RBFOX3: variants seen among roughly 807,000 people sequenced by gnomAD.
The protein encoded by RBFOX3 is RNA binding fox-1 homolog 3.
RBFOX3 carries 17 observed loss-of-function variants against 48.7 expected under a neutral mutation model. The observed-to-expected ratio is 0.35, with a 90% CI of 0.24 to 0.52. RBFOX3 has a LOEUF of 0.52. Among genes scored for constraint, RBFOX3 ranks in the 20% least tolerant of loss-of-function variants. The pLI is 0.94. For missense variants in RBFOX3, 382 were observed against 497.5 expected (o/e 0.77, Z 2.21); for synonymous variants, 212 against 209.5 (o/e 1.01, Z -0.10).
chr17:79,110,594 G>A (rs1263379045), intron 5 of RBFOX3, among the ~76,000 whole-genome samples: 1 of 152,208 alleles, frequency 6.6e-6, no homozygotes, highest in African/African-American at 2.4e-5. Context: ...AGGCACTCAG[G>A]CAAGGACCTG....
intron 1 of RBFOX3, among the ~76,000 whole-genome samples, chr17:79,564,000 A>G (rs878978057): frequency 0.51 from 77,926 of 152,110 alleles, 21,516 homozygotes; most frequent in South Asian, 0.67. Context: ...CAGGCTGAGT[A>G]CCCTGCACAT....
At chr17:79,521,515 CACATACGGAT>C (rs1368063731) in intron 1 of RBFOX3, among the ~76,000 whole-genome samples, 75 of 152,166 alleles carry the variant, frequency 4.9e-4, no homozygotes, top group African/African-American at 1.6e-3. Context: ...TACTCACAGA[CACATACGGAT>C]ACATTGACAG....
chr17:79,169,090 A>T (rs1399094490), intron 4 of RBFOX3, among the ~76,000 whole-genome samples: 1 of 152,168 alleles, frequency 6.6e-6, no homozygotes, highest in African/African-American at 2.4e-5. Flanking sequence ...CTCAGGAAAG[A>T]GCCCAGCTGC....
At chr17:79,244,387 G>T (rs985454663) in intron 3 of RBFOX3, among the ~76,000 whole-genome samples, 1 of 152,130 alleles carries the variant, frequency 6.6e-6, no homozygotes, top group African/African-American at 2.4e-5. Context: ...AGACCTCAAG[G>T]CTCCATCTCC....
chr17:79,343,138 T>G (rs1230693609), intron 2 of RBFOX3, among the ~76,000 whole-genome samples: 2 of 152,208 alleles, frequency 1.3e-5, no homozygotes, highest in South Asian at 4.1e-4. Context: ...GACTTGTCCT[T>G]TAGATGGCTT....
intron 2 of RBFOX3, among the ~76,000 whole-genome samples, chr17:79,333,637 C>T (rs1395901225): frequency 1.3e-5 from 2 of 152,180 alleles, no homozygotes; most frequent in African/African-American, 4.8e-5. Flanking sequence ...AGAGGAAAGT[C>T]CTGGGGGAAG....
At chr17:79,484,671 G>T (rs1333570274) in intron 1 of RBFOX3, among the ~76,000 whole-genome samples, 3 of 152,126 alleles carry the variant, frequency 2.0e-5, no homozygotes, top group Non-Finnish European at 2.9e-5. Context: ...TCCAGGAAGG[G>T]GCTGGCCTGG....
intron 1 of RBFOX3, among the ~76,000 whole-genome samples, chr17:79,566,504 C>T (rs900806513): frequency 3.3e-5 from 5 of 152,126 alleles, no homozygotes; most frequent in South Asian, 2.1e-4. Context: ...GGCCAGGGGA[C>T]GGGGGAAGAG....
intron 1 of RBFOX3, among the ~76,000 whole-genome samples, chr17:79,578,398 G>A (rs1377437372): frequency 1.3e-5 from 2 of 152,380 alleles, no homozygotes; most frequent in Admixed American, 6.5e-5. Flanking sequence ...GGTACCCCTT[G>A]GGGCAGGCTC....
In RBFOX3 at chr17:79,272,595, G is replaced by C. The variant is rs541623340; in HGVS notation, c.-74+35129C>G. On this transcript the variant is annotated intron_variant, in intron 3 of 14. Transcript: ENST00000693108. Reference sequence around the variant, plus strand: ...GGTGGCCCCTTCGTTTCCTGAGGAGGGGGTAGGGGGTCTCTCCTGTCCTCC... The same window carrying C: ...GGTGGCCCCTTCGTTTCCTGAGGAGCGGGTAGGGGGTCTCTCCTGTCCTCC... Among the ~76,000 whole-genome samples, 9 of 152,288 alleles carry C rather than the reference G, an allele frequency of 5.9e-5. No individual in the cohort carries two copies. The East Asian group carries it at 1.2e-3, about 20-fold the overall frequency.
At chr17:79,428,282 T>A (rs185799387) in intron 2 of RBFOX3, among the ~76,000 whole-genome samples, 61 of 151,792 alleles carry the variant, frequency 4.0e-4, no homozygotes, top group Admixed American at 2.8e-3. Context: ...TGAGGGGAGG[T>A]GAGGGAGGGC....
the RBFOX3 span, among the ~76,000 whole-genome samples, chr17:79,630,256 T>C: frequency 0.042 from 6,385 of 152,086 alleles, 345 homozygotes; most frequent in Admixed American, 0.12. Flanking sequence ...GACTCCAGAG[T>C]GAGCGCCTTA....
intron 4 of RBFOX3, among the ~76,000 whole-genome samples, chr17:79,209,805 A>G (rs1410448961): frequency 6.6e-6 from 1 of 151,988 alleles, no homozygotes; most frequent in African/African-American, 2.4e-5. Flanking sequence ...CATCCTGGCT[A>G]ACATGGTGAA....
At chr17:79,616,781 A>C in the RBFOX3 span, among the ~76,000 whole-genome samples, 1 of 152,138 alleles carries the variant, frequency 6.6e-6, no homozygotes, top group Non-Finnish European at 1.5e-5. Context: ...AAAACGCCCC[A>C]CTACTGTTTC....
At chr17:79,301,706 C>T (rs2075340383) in intron 3 of RBFOX3, among the ~76,000 whole-genome samples, 1 of 152,312 alleles carries the variant, frequency 6.6e-6, no homozygotes, top group Admixed American at 6.5e-5. Flanking sequence ...GCCCAGGTGT[C>T]CATCAAGGGA....
At chr17:79,426,219 C>T (rs782131097) in intron 2 of RBFOX3, among the ~76,000 whole-genome samples, 16 of 152,128 alleles carry the variant, frequency 1.1e-4, no homozygotes, top group Non-Finnish European at 1.3e-4. Flanking sequence ...CCCACCTTTC[C>T]GGCAGCATCC....
At chr17:79,615,382 A>C (rs1293610795), upstream of RBFOX3, among the ~76,000 whole-genome samples, 2 of 152,138 alleles carry the variant, frequency 1.3e-5, no homozygotes, top group South Asian at 4.1e-4. Flanking sequence ...GGATGGAAGA[A>C]ACAGAGGATC....
At chr17:79,441,221 G>A (rs910991401) in intron 2 of RBFOX3, among the ~76,000 whole-genome samples, 4 of 152,154 alleles carry the variant, frequency 2.6e-5, no homozygotes, top group African/African-American at 7.2e-5. Context: ...CAGGTGTGAC[G>A]AGGGTGGGCC....
chr17:79,413,945 G>C (rs941146563), intron 2 of RBFOX3, among the ~76,000 whole-genome samples: 25 of 152,026 alleles, frequency 1.6e-4, no homozygotes, highest in African/African-American at 6.0e-4. Context: ...GGCTCTGGGG[G>C]TAGGAGAGGG....
Sources: allele counts gnomAD v4.1 joint callset (sites outside exome capture counted in the v4.1 genomes callset), GRCh38; gene constraint gnomAD v4.1.1; transcripts MANE v1.5; gene names NCBI Gene and HGNC (gene_info 2026-07-23, HGNC 2026-07-21).